Variants in HFM1 observed in about 807,000 individuals in gnomAD.
The protein encoded by HFM1 is helicase for meiosis 1.
HFM1 carries 169 observed loss-of-function variants against 192.1 expected under a neutral mutation model. That is an observed-to-expected ratio of 0.88 (90% CI 0.78 to 1.00). The LOEUF is 1.00. HFM1 is among the 50% of genes least tolerant of loss of function. The probability of loss-of-function intolerance (pLI) is 0.00; values close to 1 mark genes in which losing one functional copy is unlikely to be tolerated. For missense variants in HFM1, 1,661 were observed against 1,668.0 expected, an observed-to-expected ratio of 1.00 and a Z score of 0.07; for synonymous variants, 525 against 537.8, an observed-to-expected ratio of 0.98 and a Z score of 0.33.
rs1366885146 is a variant in HFM1 at position 91,261,055 on chromosome 1, T to C, written c.*235A>G. 6.8e-6 allele frequency: 2 copies of C among 293,074 alleles called. No homozygotes were observed. The highest frequency in any genetic ancestry group is 1.3e-5 in the Non-Finnish European group (2 of 153,248). The allele number at this position is 293,074 out of a possible 1,614,324, so 18.2% of individuals were successfully genotyped here. On this transcript the variant is annotated 3_prime_UTR_variant, in exon 39 of 39. Coordinates refer to ENST00000370425, the MANE Select transcript of HFM1 (RefSeq NM_001017975.6). ...ACTTATTTCTAAGTGCAATCAGCCC[T>C]TAACTTAAGGGCTTATTGAAACAAA...
At chr1:91,319,883 G>A (rs191563365) in intron 23 of HFM1, among the ~76,000 whole-genome samples, 3 of 152,226 alleles carry the variant, frequency 2.0e-5, no homozygotes, top group Admixed American at 1.3e-4. Context: ...ATAGTATTAG[G>A]TGCTGATAAT....
chr1:91,293,950 C>T (rs1669088731), intron 30 of HFM1, among the ~76,000 whole-genome samples: 1 of 147,656 alleles, frequency 6.8e-6, no homozygotes, highest in African/African-American at 2.5e-5. Context: ...ATCGCAAGAA[C>T]AAAAAACCAA....
intron 30 of HFM1, among the ~76,000 whole-genome samples, chr1:91,286,613 T>C (rs1474911486): frequency 6.6e-6 from 1 of 152,224 alleles, no homozygotes; most frequent in Non-Finnish European, 1.5e-5. Flanking sequence ...TGATTATATC[T>C]GTAAACTCTA....
intron 30 of HFM1, among the ~76,000 whole-genome samples, chr1:91,277,923 T>C: frequency 7.3e-6 from 1 of 137,272 alleles, no homozygotes; most frequent in South Asian, 2.1e-4. Flanking sequence ...TACACTAATA[T>C]ATAATATATA....
intron 15 of HFM1, 73 bp from the exon 16 acceptor site, chr1:91,352,724 A>G: frequency 7.9e-6 from 9 of 1,139,056 alleles, no homozygotes; most frequent in Non-Finnish European, 1.2e-6. Flanking sequence ...TTAATAAAAG[A>G]CATTCTTATA....
At chr1:91,306,955 T>C (rs554892770) in intron 30 of HFM1, among the ~76,000 whole-genome samples, 1 of 152,328 alleles carries the variant, frequency 6.6e-6, no homozygotes, top group South Asian at 2.1e-4. Context: ...CCAAACTATG[T>C]CAAATTTATC....
intron 30 of HFM1, among the ~76,000 whole-genome samples, chr1:91,281,941 C>T (rs1667495494): frequency 6.6e-6 from 1 of 152,126 alleles, no homozygotes; most frequent in Non-Finnish European, 1.5e-5. Context: ...ACATTGCTCA[C>T]TAAAAGACTA....
chr1:91,301,097 C>T (rs1390263069), intron 30 of HFM1, among the ~76,000 whole-genome samples: 1 of 152,226 alleles, frequency 6.6e-6, no homozygotes, highest in East Asian at 1.9e-4. Context: ...TCTCAGGATA[C>T]AAAATCAATG....
At chr1:91,376,962 G>C (rs1371392594) in intron 11 of HFM1, among the ~76,000 whole-genome samples, 1 of 151,566 alleles carries the variant, frequency 6.6e-6, no homozygotes, top group Non-Finnish European at 1.5e-5. Flanking sequence ...TAATTTCACT[G>C]TTTACAATAG....
At chr1:91,370,810 T>C (rs1660081236) in intron 13 of HFM1, among the ~76,000 whole-genome samples, 1 of 152,212 alleles carries the variant, frequency 6.6e-6, no homozygotes, top group Admixed American at 6.5e-5. Context: ...TGTCCCTGTT[T>C]GCAGAAGACA....
intron 30 of HFM1, among the ~76,000 whole-genome samples, chr1:91,292,632 G>A (rs1364354924): frequency 1.3e-5 from 2 of 151,958 alleles, no homozygotes; most frequent in African/African-American, 2.4e-5. Flanking sequence ...ACTGCCCAAG[G>A]TAATTTACAG....
intron 4 of HFM1, among the ~76,000 whole-genome samples, chr1:91,393,152 T>C (rs9701353): frequency 0.2 from 30,284 of 152,166 alleles, 3,441 homozygotes; most frequent in Non-Finnish European, 0.26. Flanking sequence ...ACAAACATTA[T>C]AGAAATCAAC....
intron 20 of HFM1, among the ~76,000 whole-genome samples, chr1:91,335,548 A>C (rs1414889067): frequency 6.6e-6 from 1 of 152,246 alleles, no homozygotes; most frequent in Non-Finnish European, 1.5e-5. Context: ...ATTTGCAAGT[A>C]AAGCAAGGAA....
At chr1:91,329,441 C>A in intron 20 of HFM1, 1 of 1,569,652 alleles carries the variant, frequency 6.4e-7, no homozygotes, top group Non-Finnish European at 8.7e-7. Context: ...CAGCTAAGTG[C>A]AAGGAGCCAG....
chr1:91,385,711 A>G lies in HFM1; in HGVS notation c.618T>C (p.Tyr206=). The change falls in exon 5 of 39, where the codon TAT becomes TAC. Residue 206 remains tyrosine (Y), a synonymous_variant. Coordinates refer to ENST00000370425, the MANE Select transcript of HFM1 (RefSeq NM_001017975.6). ...TEMNKGKSRN[Y]SNSKQKFQYS... ...ACTGAAATTTTTGCTTACTATTGCTATAGTTCCTTGATTTCCCTTTGTTCA... is the reference window on the plus strand; with the variant it reads ...ACTGAAATTTTTGCTTACTATTGCTGTAGTTCCTTGATTTCCCTTTGTTCA... 2.5e-6 allele frequency: 4 copies of G among 1,612,816 alleles called. No homozygotes were observed. Among genetic ancestry groups the G allele is most frequent in the Non-Finnish European group, 3.4e-6 (4 of 1,178,906 alleles).
intron 18 of HFM1, among the ~76,000 whole-genome samples, chr1:91,348,063 G>A (rs1435799379): frequency 6.6e-6 from 1 of 152,144 alleles, no homozygotes; most frequent in Non-Finnish European, 1.5e-5. Flanking sequence ...CAGAAAAGGA[G>A]CATGAGGGAA....
chr1:91,273,448 G>A (rs1415247449), intron 34 of HFM1, among the ~76,000 whole-genome samples: 2 of 151,964 alleles, frequency 1.3e-5, no homozygotes, highest in Admixed American at 6.6e-5. Flanking sequence ...TCCCTTATTT[G>A]CTCAGGTTTT....
At chr1:91,277,506 G>GGTGTGT (rs67268923) in intron 30 of HFM1, among the ~76,000 whole-genome samples, 3 of 134,096 alleles carry the variant, frequency 2.2e-5, no homozygotes, top group African/African-American at 8.4e-5. Flanking sequence ...CTCCCTGGTG[G>GGTGTGT]GTGTGTGTGT....
chr1:91,340,885 A>G (rs1186288410), intron 20 of HFM1, among the ~76,000 whole-genome samples: 1 of 152,224 alleles, frequency 6.6e-6, no homozygotes. Flanking sequence ...AACACAACAA[A>G]AAGATTTAAC....
Sources: allele counts gnomAD v4.1 joint callset (sites outside exome capture counted in the v4.1 genomes callset), GRCh38; gene constraint gnomAD v4.1.1; transcripts MANE v1.5; gene names NCBI Gene and HGNC (gene_info 2026-07-23, HGNC 2026-07-21).